ZEB1: variants seen among roughly 807,000 people sequenced by gnomAD.
ZEB1 encodes the protein zinc finger E-box binding homeobox 1, also known as zinc finger E-box-binding homeobox 1.
Under a neutral mutation model 84.9 loss-of-function variants are expected in ZEB1, and 21 were observed. The ratio of observed to expected loss-of-function variants is 0.25; its 90% confidence interval spans 0.18 to 0.36. The LOEUF is 0.36. ZEB1 is among the 10% of genes least tolerant of loss of function. The pLI, the probability that ZEB1 is intolerant of heterozygous loss-of-function variation, is 1.00. For synonymous variants in ZEB1, 420 were observed against 471.1 expected (o/e 0.89, Z 1.41); for missense variants, 1,104 against 1,330.2 (o/e 0.83, Z 2.65).
At chr10:31,424,268 A>T (rs1402083289) in intron 1 of ZEB1, among the ~76,000 whole-genome samples, 1 of 151,998 alleles carries the variant, frequency 6.6e-6, no homozygotes, top group African/African-American at 2.4e-5. Context: ...TCTTTTCATC[A>T]TGACTTTGCA....
chr10:31,413,217 A>G (rs961019869), intron 1 of ZEB1, among the ~76,000 whole-genome samples: 1 of 152,236 alleles, frequency 6.6e-6, no homozygotes, highest in Non-Finnish European at 1.5e-5. Context: ...GTATAGACAT[A>G]TAGAAGGATC....
chr10:31,436,567 C>T (rs571020892), intron 1 of ZEB1, among the ~76,000 whole-genome samples: 2 of 152,036 alleles, frequency 1.3e-5, no homozygotes, highest in Admixed American at 1.3e-4. Context: ...TAATCTAAGT[C>T]TTAGTTTCAT....
intron 1 of ZEB1, among the ~76,000 whole-genome samples, chr10:31,448,711 C>T (rs910151076): frequency 1.3e-5 from 2 of 152,134 alleles, no homozygotes; most frequent in Non-Finnish European, 2.9e-5. Context: ...GGGTGCCTCC[C>T]AGTTAGGCTG....
At position 31,528,182 on chromosome 10, in the gene ZEB1, T is replaced by C. The variant is rs2139999819; in HGVS notation, c.*918T>C. Reference sequence around the variant, plus strand: ...AGTATTTTCAAGGCTCTAACCCGCCTTCATCCAATGTGTGGCCTACAATAA... The same window carrying C: ...AGTATTTTCAAGGCTCTAACCCGCCCTCATCCAATGTGTGGCCTACAATAA... On this transcript the variant is annotated 3_prime_UTR_variant, in exon 9 of 9. Coordinates refer to ENST00000424869, the MANE Select transcript of ZEB1 (RefSeq NM_001174096.2). 6.6e-6 allele frequency: 1 copy of C among 152,350 alleles called. No homozygotes were observed. Among genetic ancestry groups the C allele is most frequent in the South Asian group, 2.1e-4 (1 of 4,830 alleles). The allele number at this position is 152,350 out of a possible 1,614,324, so 9.4% of individuals were successfully genotyped here. A position where few individuals can be genotyped will look rare whatever the true frequency, so the allele number is the denominator to read the frequency against.
intron 3 of ZEB1, among the ~76,000 whole-genome samples, chr10:31,500,254 A>C (rs1048953508): frequency 6.6e-6 from 1 of 152,162 alleles, no homozygotes; most frequent in African/African-American, 2.4e-5. Flanking sequence ...AAAGAATGCC[A>C]CTGATTTGTT....
At chr10:31,388,338 T>C (rs1021273502) in intron 1 of ZEB1, among the ~76,000 whole-genome samples, 27 of 152,176 alleles carry the variant, frequency 1.8e-4, no homozygotes, top group Non-Finnish European at 3.1e-4. Context: ...CTGAAGACTT[T>C]AGTTCTACAA....
chr10:31,439,864 G>A (rs2058716656), intron 1 of ZEB1, among the ~76,000 whole-genome samples: 1 of 152,082 alleles, frequency 6.6e-6, no homozygotes, highest in South Asian at 2.1e-4. Context: ...GCCCATGGAG[G>A]GCCTTGGATT....
intron 4 of ZEB1, among the ~76,000 whole-genome samples, chr10:31,503,690 T>G (rs2068486838): frequency 6.6e-6 from 1 of 152,050 alleles, no homozygotes; most frequent in African/African-American, 2.4e-5. Flanking sequence ...CCACCAAGAA[T>G]GTATGAGAGT....
chr10:31,436,004 G>T (rs919229787), intron 1 of ZEB1, among the ~76,000 whole-genome samples: 3 of 152,136 alleles, frequency 2.0e-5, no homozygotes, highest in Non-Finnish European at 4.4e-5. Context: ...CCCTAGAGAA[G>T]AGGAAGAATA....
chr10:31,473,179 A>G lies in ZEB1; in HGVS notation c.259+11942A>G, dbSNP rs1324198172. Among the ~76,000 whole-genome samples the G allele has an allele frequency of 2.6e-5, 4 of 151,412 alleles. No homozygotes were observed. The South Asian group carries it at 6.2e-4, about 24-fold the overall frequency. ...AGGGATGCCCTCTCTCACCACTCCT[A>G]TTCAACATAGTGTTGGAATTTCTGG... On this transcript the variant is annotated intron_variant, in intron 2 of 8. Coordinates refer to ENST00000424869, the MANE Select transcript of ZEB1 (RefSeq NM_001174096.2).
At chr10:31,441,711 G>GA (rs1318924336) in intron 1 of ZEB1, among the ~76,000 whole-genome samples, 1 of 151,652 alleles carries the variant, frequency 6.6e-6, no homozygotes, top group East Asian at 1.9e-4. Context: ...AAATTTACAA[G>GA]AAAAAAACAA....
At chr10:31,491,070 G>A (rs2066462512) in intron 2 of ZEB1, among the ~76,000 whole-genome samples, 1 of 151,678 alleles carries the variant, frequency 6.6e-6, no homozygotes, top group South Asian at 2.1e-4. Context: ...AGAAGTTTGA[G>A]CATAAACCCA....
chr10:31,363,951 A>G (rs2043917858), intron 1 of ZEB1: 1 of 1,296,214 alleles, frequency 7.7e-7, no homozygotes, highest in Non-Finnish European at 9.9e-7. Context: ...GAGCCCGGCC[A>G]GCTGGGAAGG....
At chr10:31,418,100 G>T (rs546658248) in intron 1 of ZEB1, among the ~76,000 whole-genome samples, 88 of 152,028 alleles carry the variant, frequency 5.8e-4, no homozygotes, top group Admixed American at 1.8e-3. Context: ...TATACCAAAT[G>T]AAACAAAGTA....
At chr10:31,359,706 T>G (rs549878168) in intron 1 of ZEB1, among the ~76,000 whole-genome samples, 1 of 152,312 alleles carries the variant, frequency 6.6e-6, no homozygotes, top group South Asian at 2.1e-4. Flanking sequence ...ACTTCCTGAA[T>G]TTTTTTAGAA....
chr10:31,329,384 A>G (rs1478528083), intron 1 of ZEB1, among the ~76,000 whole-genome samples: 2 of 152,158 alleles, frequency 1.3e-5, no homozygotes, highest in Non-Finnish European at 2.9e-5. Flanking sequence ...ATTCCATTGT[A>G]TGAATGTTAT....
chr10:31,446,140 C>A (rs1389989435), intron 1 of ZEB1, among the ~76,000 whole-genome samples: 1 of 151,790 alleles, frequency 6.6e-6, no homozygotes, highest in Non-Finnish European at 1.5e-5. Context: ...CTGGTTTAGT[C>A]TTGGGAGAGT....
At chr10:31,324,886 TAGAG>T (rs1335061823) in intron 1 of ZEB1, among the ~76,000 whole-genome samples, 1 of 152,028 alleles carries the variant, frequency 6.6e-6, no homozygotes, top group Non-Finnish European at 1.5e-5. Flanking sequence ...ATATATGTAG[TAGAG>T]AAAGTTTTGT....
Position 31,524,021 on chromosome 10 carries a change from G to A in ZEB1, c.2693G>A (p.Arg898Gln), listed in dbSNP as rs35653460. 39 of 1,613,716 alleles carry A rather than the reference G, an allele frequency of 2.4e-5. No individual in the cohort carries two copies. In the African/African-American group the frequency reaches 3.2e-4, roughly 13 times the overall value. Reference protein sequence around the residue: ...SDSTPPKKKMRKTENGMYACD... With the variant: ...SDSTPPKKKMQKTENGMYACD... ...TCTACACCGCCCAAAAAGAAAATGC[G>A]GAAGACAGAAAATGGAATGTATGCT... Residue 898 changes from arginine to glutamine, a missense_variant, in exon 8 of 9, where the codon CGG (arginine) becomes CAG (glutamine). By Grantham distance (43) the Arg-to-Gln change is conservative. Around this residue, in one of 7 missense-constraint regions of ZEB1, gnomAD observed 531 missense variants for 575.2 expected, o/e 0.92. Transcript: ENST00000424869.
Sources: allele counts gnomAD v4.1 joint callset (sites outside exome capture counted in the v4.1 genomes callset), GRCh38; gene constraint gnomAD v4.1.1; regional missense constraint gnomAD v4.1.1; transcripts MANE v1.5; gene names NCBI Gene and HGNC (gene_info 2026-07-23, HGNC 2026-07-21).